The following PLK5 variants were observed in gnomAD, a reference collection of about 807,000 sequenced individuals.
PLK5 encodes the protein polo like kinase 5 (inactive).
PLK5 carries 28 observed loss-of-function variants against 33.7 expected under a neutral mutation model. That is an observed-to-expected ratio of 0.83 (90% CI 0.62 to 1.14). The LOEUF is 1.14. Ranked by LOEUF, PLK5 falls within the 50% of genes most tolerant of loss-of-function variation. The pLI is 0.00. For missense variants in PLK5, 492 were observed against 461.5 expected (o/e 1.07, Z -0.61); for synonymous variants, 225 against 202.2 (o/e 1.11, Z -0.96).
At chr19:1,527,159 G>T (rs1202900499) in intron 6 of PLK5, among the ~76,000 whole-genome samples, 161 bp downstream of exon 6, 1 of 151,882 alleles carries the variant, frequency 6.6e-6, no homozygotes. Context: ...TGTGTGGGGA[G>T]GCGTGTGTGA....
chr19:1,527,036 G>GC, intron 6 of PLK5, 38 bp downstream of exon 6: 2 of 1,471,830 alleles, frequency 1.4e-6, no homozygotes, highest in African/African-American at 1.7e-5. Flanking sequence ...AGGGCCTCCG[G>GC]GGGGGGCAGG....
chr19:1,529,452 A>T lies in PLK5; in HGVS notation c.452A>T (p.His151Leu). The change falls in exon 10 of 14, where the codon CAC (histidine) becomes CTC (leucine). Residue 151 changes from histidine (H) to leucine (L), a missense_variant. His to Leu is a moderately conservative substitution (Grantham distance 99). Transcript: ENST00000454744. ...KEVPCLEGPIHLVAQGTLQSD... is the reference protein window; with the variant it reads ...KEVPCLEGPILLVAQGTLQSD... ...GTTCCCTGCCTGGAAGGCCCCATCC[A>T]CCTGGTCGCACAAGGGACCCTGCAG... The T allele has an allele frequency of 6.5e-7, 1 of 1,535,926 alleles. No homozygotes were observed. Among genetic ancestry groups the T allele is most frequent in the Middle Eastern group, 1.7e-4 (1 of 5,928 alleles).
Position 1,531,809 on chromosome 19 carries a change from T to TA in PLK5, c.641dup (p.Tyr214Ter), listed in dbSNP as rs1913938458. 1 of 1,535,238 alleles carries TA rather than the reference T, an allele frequency of 6.5e-7. No individual in the cohort carries two copies. Among genetic ancestry groups the TA allele is most frequent in the Admixed American group, 2.0e-5 (1 of 50,902 alleles). Residue 214 changes from tyrosine to a stop codon, truncating the protein, a stop_gained and frameshift_variant, in exon 12 of 14, where the codon TAC (tyrosine) becomes TAAC (stop). Transcript: ENST00000454744. LOFTEE classifies it high-confidence loss of function. The stretch of plus-strand genomic sequence containing the variant: ...CAAATGGGTGGATTATTCCAGCAAA[T>TA]ACGGCTTTGGCTACCAGCTCTTGGA... ...APKWVDYSSK[Y>*]GFGYQLLDGG...
At chr19:1,526,453 G>A (rs1913741699) in intron 3 of PLK5, 33 bp from the exon 4 acceptor site, 1 of 235,004 alleles carries the variant, frequency 4.3e-6, no homozygotes, top group Non-Finnish European at 8.7e-6. Context: ...GCTTACATTT[G>A]CCTTCTAATC....
In PLK5 at chr19:1,534,815, T is replaced by TA. The variant is rs33945378; in HGVS notation, c.826-236dup. Among the ~76,000 whole-genome samples, 1,079 of 145,960 alleles carry TA rather than the reference T, an allele frequency of 7.4e-3. 8 individuals carry two copies. Among genetic ancestry groups the TA allele is most frequent in the African/African-American group, 0.019 (769 of 40,168 alleles). ...CTGGGTGACAGAGCAGGACTCTGTT[T>TA]AAAAAAAAAAAAAAGTCAGGGTCTT... On this transcript the variant is annotated intron_variant, in intron 13 of 13. Coordinates refer to ENST00000454744, the MANE Select transcript of PLK5 (RefSeq NM_001243079.2).
rs757986827 is a variant in PLK5, at chr19:1,527,894, C to T, written c.3-42C>T. The T allele has an allele frequency of 1.1e-5, 17 of 1,509,498 alleles. No homozygotes were observed. In the East Asian group the frequency reaches 2.7e-4, roughly 24 times the overall value. The allele number at this position is 1,509,498 out of a possible 1,614,324, so 93.5% of individuals were successfully genotyped here. ...CCAAGTGTGCAGGGGTAGCTCTGAG[C>T]GATGCCTGGACACCCAGGTTCTTGC... On this transcript the variant is annotated intron_variant, in intron 6 of 13. Transcript: ENST00000454744.
intron 9 of PLK5, 100 bp downstream of exon 9, chr19:1,529,074 T>C: frequency 9.3e-7 from 1 of 1,080,010 alleles, no homozygotes; most frequent in Non-Finnish European, 1.3e-6. Context: ...GAACCCCTTC[T>C]GGGGTCTCCA....
chr19:1,528,844 C>G (rs1000182542), intron 8 of PLK5, 54 bp from the exon 9 acceptor site: 1 of 1,349,774 alleles, frequency 7.4e-7, no homozygotes, highest in Non-Finnish European at 9.8e-7. Flanking sequence ...TGCCCCCCTA[C>G]CCCCAGCTTG....
chr19:1,527,183 AG>A (rs1445633024), intron 6 of PLK5, among the ~76,000 whole-genome samples, 185 bp downstream of exon 6: 1 of 151,326 alleles, frequency 6.6e-6, no homozygotes, highest in Non-Finnish European at 1.5e-5. Context: ...AGGACGGGGG[AG>A]GGTGTGCACA....
intron 11 of PLK5, among the ~76,000 whole-genome samples, chr19:1,531,145 T>C (rs1568254123): frequency 6.6e-6 from 1 of 151,088 alleles, no homozygotes; most frequent in Non-Finnish European, 1.5e-5. Context: ...GCGTGGTGGC[T>C]CATGCCTGTC....
At position 1,529,824 on chromosome 19, in the gene PLK5, G is replaced by C; in HGVS notation, c.568G>C (p.Ala190Pro). 1 of 1,535,518 alleles carries C rather than the reference G, an allele frequency of 6.5e-7. No individual in the cohort carries two copies. Among genetic ancestry groups the C allele is most frequent in the Non-Finnish European group, 8.7e-7 (1 of 1,146,664 alleles). ...LQLCLDVGPPATQDPLGEQQP... is the reference protein window; with the variant it reads ...LQLCLDVGPPPTQDPLGEQQP... ...GCTGTGCCTGGATGTAGGCCCCCCG[G>C]GTAGGAGCCGGCCCAGCCCCCAGGA... is the stretch of plus-strand genomic sequence containing the variant. Residue 190 changes from alanine to proline, a missense_variant and splice_region_variant, in exon 11 of 14, where the codon GCC (alanine) becomes CCC (proline). Coordinates refer to ENST00000454744, the MANE Select transcript of PLK5 (RefSeq NM_001243079.2).
rs1369172529 is a variant in PLK5, at chr19:1,531,745, G to A, written c.576G>A (p.Gln192=). Residue 192 remains glutamine, a synonymous_variant, in exon 12 of 14, where the codon CAG becomes CAA. Coordinates refer to ENST00000454744, the MANE Select transcript of PLK5 (RefSeq NM_001243079.2). ...LCLDVGPPAT[Q]DPLGEQQPIL... is the part of the protein sequence containing the mutation. ...ACCTTTGTTTGTGCCCAGCCACACA[G>A]GACCCCCTGGGAGAGCAGCAGCCCA... The A allele has an allele frequency of 1.3e-6, 2 of 1,536,404 alleles. No individual in the cohort carries two copies. Among genetic ancestry groups the A allele is most frequent in the Non-Finnish European group, 1.7e-6 (2 of 1,147,082 alleles).
rs201935589 is a variant in PLK5 at position 1,527,971 on chromosome 19, C to T, written c.38C>T (p.Ala13Val). 4.6e-6 allele frequency: 7 copies of T among 1,536,024 alleles called. No homozygotes were observed. Among genetic ancestry groups the T allele is most frequent in the Admixed American group, 3.9e-5 (2 of 50,986 alleles). Residue 13 changes from alanine (A) to valine (V), a missense_variant, in exon 7 of 14, where the codon GCC becomes GTC. Coordinates refer to ENST00000454744, the MANE Select transcript of PLK5 (RefSeq NM_001243079.2). ...CTGACTGGCACCCCACCCTTCATGG[C>T]CTCACCCCTGTCGGAGATGTACCAA... ...TVLTGTPPFMASPLSEMYQNI... is the reference protein window; with the variant it reads ...TVLTGTPPFMVSPLSEMYQNI...
chr19:1,529,656 C>A, intron 10 of PLK5, 91 bp from the exon 11 acceptor site: 1 of 1,434,708 alleles, frequency 7.0e-7, no homozygotes, highest in Non-Finnish European at 9.5e-7. Flanking sequence ...ATGAGATGTT[C>A]CTGGATGGAG....
At position 1,532,773 on chromosome 19, in the gene PLK5, C is replaced by T. The variant is rs1225504837; in HGVS notation, c.714+890C>T. 2.0e-5 allele frequency among the ~76,000 whole-genome samples: 3 copies of T among 151,858 alleles called. No individual in the cohort carries two copies. In the East Asian group the frequency reaches 5.9e-4, roughly 30 times the overall value. On this transcript the variant is annotated intron_variant, in intron 12 of 13. Coordinates refer to ENST00000454744, the MANE Select transcript of PLK5 (RefSeq NM_001243079.2). ...CTGACCTCAGGTGATCCACCCGCCTCAGCCTCCCAAAGTGCTGGGATTATA... is the reference window on the plus strand; with the variant it reads ...CTGACCTCAGGTGATCCACCCGCCTTAGCCTCCCAAAGTGCTGGGATTATA...
At position 1,527,060 on chromosome 19, in the gene PLK5, G is replaced by A. The variant is rs1004201951; in HGVS notation, c.2+62G>A. ...GGGGGGGGCAGGTGTGGCGGGGGGG[G>A]AGCCTGCACGGAACAGGTGGGGACC... On this transcript the variant is annotated intron_variant, in intron 6 of 13. Transcript: ENST00000454744. 530 of 735,180 alleles carry A rather than the reference G, an allele frequency of 7.2e-4. 12 individuals carry two copies. Among genetic ancestry groups the A allele is most frequent in the African/African-American group, 6.7e-3 (372 of 55,130 alleles). The allele number at this position is 735,180 out of a possible 1,614,324, so 45.5% of individuals were successfully genotyped here. A position where few individuals can be genotyped will look rare whatever the true frequency, so the allele number is the denominator to read the frequency against.
chr19:1,534,146 G>C, intron 13 of PLK5, 105 bp downstream of exon 13: 9 of 648,956 alleles, frequency 1.4e-5, no homozygotes, highest in East Asian at 3.0e-5. Flanking sequence ...GGAAGCATTT[G>C]CCTCCCAGGA....
chr19:1,533,539 AG>A (rs1663681519), intron 12 of PLK5, among the ~76,000 whole-genome samples: 2 of 152,064 alleles, frequency 1.3e-5, no homozygotes, highest in African/African-American at 4.8e-5. Context: ...GAAGGCAGGA[AG>A]GGTGGACCAG....
chr19:1,533,319 G>T (rs962656825), intron 12 of PLK5, among the ~76,000 whole-genome samples: 2 of 151,722 alleles, frequency 1.3e-5, no homozygotes, highest in East Asian at 3.9e-4. Flanking sequence ...TCGAACTCCC[G>T]ACCTCAGGTG....
Sources: gnomAD v4.1 joint callset for allele counts (sites outside exome capture counted in the v4.1 genomes callset) on GRCh38, gnomAD v4.1.1 for gene constraint, MANE v1.5 for transcripts, NCBI Gene and HGNC (gene_info 2026-07-23, HGNC 2026-07-21) for gene names.